The following RICTOR variants were observed in gnomAD, a reference collection of about 807,000 sequenced individuals.
RICTOR encodes the protein RPTOR independent companion of MTOR complex 2, also known as rapamycin-insensitive companion of mTOR.
RICTOR carries 49 observed loss-of-function variants against 214.9 expected under a neutral mutation model. The ratio of observed to expected loss-of-function variants is 0.23; its 90% CI spans 0.18 to 0.29. RICTOR has a LOEUF of 0.29. RICTOR is among the 10% of genes least tolerant of loss of function. The probability of loss-of-function intolerance (pLI) is 1.00; values close to 1 mark genes in which losing one functional copy is unlikely to be tolerated. For synonymous variants in RICTOR, 717 were observed against 711.3 expected (o/e 1.01, Z -0.13); for missense variants, 1,625 against 2,047.0 (o/e 0.79, Z 3.98).
chr5:39,070,776 G>C (rs945059101), intron 2 of RICTOR, among the ~76,000 whole-genome samples: 7 of 152,216 alleles, frequency 4.6e-5, no homozygotes, highest in African/African-American at 1.7e-4. Context: ...TACCAGTAAA[G>C]AGATGCACTA....
intron 7 of RICTOR, among the ~76,000 whole-genome samples, chr5:38,989,038 A>C (rs1247628512): frequency 6.6e-6 from 1 of 152,204 alleles, no homozygotes; most frequent in Admixed American, 6.5e-5. Context: ...GAACCAAAAA[A>C]GACCCCATAT....
At chr5:39,009,577 A>G (rs1239856090) in intron 3 of RICTOR, among the ~76,000 whole-genome samples, 1 of 149,938 alleles carries the variant, frequency 6.7e-6, no homozygotes, top group Non-Finnish European at 1.5e-5. Flanking sequence ...TTCCAGACAT[A>G]GTAAATGGAA....
chr5:39,014,594 T>C (rs1404468933), intron 3 of RICTOR, among the ~76,000 whole-genome samples: 1 of 152,150 alleles, frequency 6.6e-6, no homozygotes, highest in Non-Finnish European at 1.5e-5. Flanking sequence ...AAAGAGAACT[T>C]TTAAGATATA....
At chr5:38,963,846 A>G (rs1314845507) in intron 16 of RICTOR, among the ~76,000 whole-genome samples, 2 of 151,918 alleles carry the variant, frequency 1.3e-5, no homozygotes, top group Non-Finnish European at 2.9e-5. Context: ...CTAATATAAA[A>G]GCTAAAAGCT....
intron 2 of RICTOR, among the ~76,000 whole-genome samples, chr5:39,042,281 A>G (rs1212099423): frequency 1.3e-5 from 2 of 152,218 alleles, no homozygotes; most frequent in Non-Finnish European, 2.9e-5. Context: ...AAATGTTACA[A>G]TATAAAACAA....
chr5:39,004,904 C>A (rs1753926955), intron 3 of RICTOR, among the ~76,000 whole-genome samples: 1 of 150,804 alleles, frequency 6.6e-6, no homozygotes, highest in African/African-American at 2.4e-5. Context: ...GCTTCAGCCT[C>A]CCTAGTAGCT....
intron 6 of RICTOR, among the ~76,000 whole-genome samples, chr5:38,994,010 G>T (rs188888839): frequency 6.6e-6 from 1 of 151,972 alleles, no homozygotes; most frequent in South Asian, 2.1e-4. Flanking sequence ...GTGAAACCGC[G>T]TCTCTACTAA....
intron 2 of RICTOR, among the ~76,000 whole-genome samples, chr5:39,066,785 T>C (rs1056954046): frequency 6.6e-6 from 1 of 152,230 alleles, no homozygotes; most frequent in African/African-American, 2.4e-5. Flanking sequence ...CCCTACAGAA[T>C]GAACAGAATG....
intron 7 of RICTOR, among the ~76,000 whole-genome samples, chr5:38,984,444 CACTT>C (rs1751991834): frequency 6.6e-6 from 1 of 152,064 alleles, no homozygotes; most frequent in Non-Finnish European, 1.5e-5. Flanking sequence ...CTGGTTCACT[CACTT>C]ATTTTTTGCT....
At position 38,953,539 on chromosome 5, in the gene RICTOR, T is replaced by G. The variant is rs1579896191; in HGVS notation, c.2712A>C (p.Glu904Asp). ...HLLEVQNIITELCRNVRTPDL... is the reference protein window; with the variant it reads ...HLLEVQNIITDLCRNVRTPDL... ...CTGGTGTACGAACATTACGACAGAGTTCTGTAATAATATTCTGGAGAAAGA... is the reference window on the plus strand; with the variant it reads ...CTGGTGTACGAACATTACGACAGAGGTCTGTAATAATATTCTGGAGAAAGA... Residue 904 changes from glutamate (E) to aspartate (D), a missense_variant, in exon 28 of 38, where the codon GAA (glutamate) becomes GAC (aspartate). Glu to Asp is a conservative substitution (Grantham distance 45). Around this residue, in one of 5 missense-constraint regions of RICTOR, gnomAD observed 1,214 missense variants for 1,470.5 expected, o/e 0.83. Coordinates refer to ENST00000357387, the MANE Select transcript of RICTOR (RefSeq NM_152756.5). 4 of 1,369,012 alleles carry G rather than the reference T, an allele frequency of 2.9e-6. No individual in the cohort carries two copies. Among genetic ancestry groups the G allele is most frequent in the East Asian group, 2.6e-5 (1 of 37,860 alleles). The allele number at this position is 1,369,012 out of a possible 1,614,324, so 84.8% of individuals were successfully genotyped here.
rs1177733660 is a variant in RICTOR, at chr5:38,949,797, A to C, written c.4051T>G (p.Leu1351Val). The C allele has an allele frequency of 6.2e-7, 1 of 1,613,510 alleles. No homozygotes were observed. Among genetic ancestry groups the C allele is most frequent in the East Asian group, 2.2e-5 (1 of 44,874 alleles). The part of the protein sequence containing the change: ...MHPSLSHSEA[L>V]ASPAKDVLFT... The stretch of plus-strand genomic sequence containing the variant: ...AGCACATCTTTTGCTGGAGATGCCA[A>C]AGCTTCAGAGTGAGATAAGGATGGA... Residue 1351 changes from leucine to valine, a missense_variant, in exon 31 of 38, where the codon TTG (leucine) becomes GTG (valine). Leu to Val is a conservative substitution (Grantham distance 32). This residue lies in a region of RICTOR where 1,214 missense variants were observed against 1,470.5 expected (regional missense o/e 0.83). Transcript: ENST00000357387.
intron 31 of RICTOR, among the ~76,000 whole-genome samples, chr5:38,948,050 TAG>T (rs1376504688): frequency 1.3e-5 from 2 of 152,094 alleles, no homozygotes; most frequent in African/African-American, 2.4e-5. Flanking sequence ...TCCTTACTAC[TAG>T]AGATTCCATA....
intron 20 of RICTOR, 57 bp from the exon 21 acceptor site, chr5:38,960,035 AAATCAACTTC>A: frequency 1.6e-6 from 2 of 1,214,382 alleles, no homozygotes; most frequent in Non-Finnish European, 1.2e-6. Context: ...TGTAATTAGA[AAATCAACTTC>A]AATCAAGTAC....
chr5:39,032,186 T>C (rs1000935032), intron 2 of RICTOR, among the ~76,000 whole-genome samples: 1 of 152,198 alleles, frequency 6.6e-6, no homozygotes, highest in Non-Finnish European at 1.5e-5. Context: ...TCTTTACTGA[T>C]GCCAAAATCT....
At chr5:38,964,767 G>T in intron 16 of RICTOR, 25 bp downstream of exon 16, 1 of 1,216,320 alleles carries the variant, frequency 8.2e-7, no homozygotes. Flanking sequence ...TCAAACAAAA[G>T]CTTTGCTAAA....
chr5:38,994,329 C>T lies in RICTOR; in HGVS notation c.456+2490G>A, dbSNP rs565381999. Among the ~76,000 whole-genome samples the T allele has an allele frequency of 8.2e-5, 12 of 146,496 alleles. No homozygotes were observed. The South Asian group carries it at 2.6e-3, about 32-fold the overall frequency. On this transcript the variant is annotated intron_variant, in intron 6 of 37. Coordinates refer to ENST00000357387, the MANE Select transcript of RICTOR (RefSeq NM_152756.5). ...TGTGTATACACAAATATTCCAAAACCCAAAAAAATACAAAATGGGAAATAA... is the reference window on the plus strand; with the variant it reads ...TGTGTATACACAAATATTCCAAAACTCAAAAAAATACAAAATGGGAAATAA...
intron 2 of RICTOR, among the ~76,000 whole-genome samples, chr5:39,041,650 G>T (rs1317363710): frequency 6.6e-6 from 1 of 152,116 alleles, no homozygotes; most frequent in East Asian, 1.9e-4. Context: ...TGGGTAAATT[G>T]ATGTATGATT....
intron 36 of RICTOR, chr5:38,944,218 G>T (rs913683134): frequency 3.3e-6 from 2 of 606,406 alleles, no homozygotes; most frequent in African/African-American, 3.6e-5. Context: ...CAAAAGTCTG[G>T]CTTAATAGAA....
At chr5:39,021,200 A>G in intron 2 of RICTOR, 64 bp from the exon 3 acceptor site, 1 of 884,028 alleles carries the variant, frequency 1.1e-6, no homozygotes, top group South Asian at 1.3e-5. Context: ...AAACACATAA[A>G]ACATGCAGTA....
Sources: gnomAD v4.1 joint callset for allele counts (sites outside exome capture counted in the v4.1 genomes callset) on GRCh38, gnomAD v4.1.1 for gene constraint, gnomAD v4.1.1 regional missense constraint, MANE v1.5 for transcripts, NCBI Gene and HGNC (gene_info 2026-07-23, HGNC 2026-07-21) for gene names.